DLG1: variants seen among roughly 807,000 people sequenced by gnomAD.
The protein encoded by DLG1 is discs large MAGUK scaffold protein 1, also known as disks large homolog 1.
In DLG1, 42 loss-of-function variants were observed where a neutral mutation model predicts 123.4. The ratio of observed to expected loss-of-function variants is 0.34; its 90% CI spans 0.27 to 0.44. DLG1 has a LOEUF of 0.44. Ranked by LOEUF, DLG1 falls within the 20% of genes least tolerant of loss-of-function variation. DLG1 has a pLI of 1.00. For synonymous variants in DLG1, 317 were observed against 356.2 expected (o/e 0.89, Z 1.24); for missense variants, 942 against 1,082.6 (o/e 0.87, Z 1.82).
chr3:197,098,484 A>C (rs1190447227), intron 14 of DLG1, among the ~76,000 whole-genome samples: 1 of 152,188 alleles, frequency 6.6e-6, no homozygotes, highest in Non-Finnish European at 1.5e-5. Context: ...AATTTCTTAA[A>C]TTTGTGATCT....
At chr3:197,186,248 C>T (rs1715920247) in intron 5 of DLG1, among the ~76,000 whole-genome samples, 1 of 152,132 alleles carries the variant, frequency 6.6e-6, no homozygotes, top group African/African-American at 2.4e-5. Context: ...CGGAAGGCAA[C>T]CAACTGTTCT....
intron 5 of DLG1, among the ~76,000 whole-genome samples, chr3:197,155,875 A>G (rs1365468722): frequency 6.6e-6 from 1 of 152,142 alleles, no homozygotes; most frequent in Non-Finnish European, 1.5e-5. Flanking sequence ...ATTGGGCCCA[A>G]GAGGTTGAGG....
In DLG1 at chr3:197,115,989, T is replaced by C. The variant is rs775322401; in HGVS notation, c.1381A>G (p.Ile461Val). 1.6e-5 allele frequency: 26 copies of C among 1,613,204 alleles called. No individual in the cohort carries two copies. The Admixed American group carries it at 4.2e-4, about 26-fold the overall frequency. The change falls in exon 13 of 25, where the codon ATC (isoleucine) becomes GTC (valine). Residue 461 changes from isoleucine to valine, a missense_variant. Transcript: ENST00000667157. ...AGATCAGCAGGTCCTCCGGCTAAGA[T>C]AAAGGAAATAAATATTCCTTCTCCA... ...EDGEGIFISFILAGGPADLSG... is the reference protein window; with the variant it reads ...EDGEGIFISFVLAGGPADLSG...
chr3:197,115,792 C>T (rs1384236154), intron 13 of DLG1, 135 bp downstream of exon 13: 6 of 839,996 alleles, frequency 7.1e-6, no homozygotes, highest in Non-Finnish European at 1.1e-5. Flanking sequence ...TACAATTCTA[C>T]AATTAAGCTG....
chr3:197,139,440 G>C (rs1786839437), intron 8 of DLG1, among the ~76,000 whole-genome samples: 1 of 152,106 alleles, frequency 6.6e-6, no homozygotes, highest in Non-Finnish European at 1.5e-5. Flanking sequence ...CTTAAAATAA[G>C]ATGCTGTTTT....
chr3:197,296,306 A>G, intron 3 of DLG1, 40 bp downstream of exon 3: 1 of 1,582,026 alleles, frequency 6.3e-7, no homozygotes, highest in Non-Finnish European at 8.6e-7. Flanking sequence ...AGGAGCATAA[A>G]GCCTAGCTGG....
chr3:197,252,355 G>T (rs1330405459), intron 4 of DLG1, among the ~76,000 whole-genome samples: 3 of 151,998 alleles, frequency 2.0e-5, no homozygotes, highest in Non-Finnish European at 4.4e-5. Flanking sequence ...ACGAAATAAT[G>T]GATACGAAAA....
At chr3:197,212,575 C>T (rs897710557) in intron 4 of DLG1, among the ~76,000 whole-genome samples, 1 of 152,246 alleles carries the variant, frequency 6.6e-6, no homozygotes, top group African/African-American at 2.4e-5. Flanking sequence ...CTTACAGATG[C>T]ATCACTCTGA....
At chr3:197,186,649 T>C (rs1340020421) in intron 5 of DLG1, among the ~76,000 whole-genome samples, 1 of 152,192 alleles carries the variant, frequency 6.6e-6, no homozygotes, top group African/African-American at 2.4e-5. Context: ...GTTAAAAATT[T>C]ATACTGGATA....
At chr3:197,194,657 A>C (rs2150260047) in intron 4 of DLG1, 68 bp from the exon 5 acceptor site, 1 of 1,111,080 alleles carries the variant, frequency 9.0e-7, no homozygotes, top group Non-Finnish European at 1.3e-6. Context: ...CATGGTTTTC[A>C]TAACTAGCCA....
intron 18 of DLG1, among the ~76,000 whole-genome samples, chr3:197,072,388 G>T (rs963054133): frequency 1.3e-5 from 2 of 151,906 alleles, no homozygotes; most frequent in African/African-American, 4.8e-5. Flanking sequence ...TTATTTACTT[G>T]TAATACATTA....
chr3:197,110,652 A>C (rs1769408398), intron 13 of DLG1, among the ~76,000 whole-genome samples: 1 of 152,194 alleles, frequency 6.6e-6, no homozygotes, highest in South Asian at 2.1e-4. Context: ...CCTCTTATCT[A>C]CGCTTGTCAT....
chr3:197,065,647 C>T (rs577944960), intron 21 of DLG1, 61 bp downstream of exon 21: 74 of 1,271,336 alleles, frequency 5.8e-5, no homozygotes, highest in Non-Finnish European at 8.2e-5. Context: ...CTATTTTTCC[C>T]ACACACAGTG....
intron 4 of DLG1, among the ~76,000 whole-genome samples, chr3:197,197,896 GT>G (rs930689054): frequency 6.6e-5 from 10 of 151,984 alleles, no homozygotes; most frequent in African/African-American, 2.2e-4. Flanking sequence ...AGAAAGAATA[GT>G]TTTTTTTAAC....
chr3:197,285,978 G>A (rs1771630704), intron 3 of DLG1, among the ~76,000 whole-genome samples: 1 of 152,120 alleles, frequency 6.6e-6, no homozygotes, highest in South Asian at 2.1e-4. Context: ...CAACCAATAT[G>A]TTCTTTAACA....
chr3:197,262,276 T>C (rs1456593233), intron 4 of DLG1, among the ~76,000 whole-genome samples: 1 of 152,104 alleles, frequency 6.6e-6, no homozygotes. Context: ...TCAAGCTCTA[T>C]AAAAACTCTT....
At chr3:197,224,730 T>C (rs1254815352) in intron 4 of DLG1, among the ~76,000 whole-genome samples, 2 of 152,216 alleles carry the variant, frequency 1.3e-5, no homozygotes, top group African/African-American at 4.8e-5. Flanking sequence ...GGAAAAATGC[T>C]TGGGTGACCA....
At chr3:197,243,107 A>C (rs976127141) in intron 4 of DLG1, among the ~76,000 whole-genome samples, 1 of 152,212 alleles carries the variant, frequency 6.6e-6, no homozygotes, top group Non-Finnish European at 1.5e-5. Context: ...AGGGGTTTTT[A>C]TTCCCAATGC....
chr3:197,153,379 C>G (rs1330124050), intron 5 of DLG1, among the ~76,000 whole-genome samples: 1 of 152,180 alleles, frequency 6.6e-6, no homozygotes, highest in Non-Finnish European at 1.5e-5. Flanking sequence ...TCCAGGTGAA[C>G]TGTAGTTAAT....
Sources: allele counts gnomAD v4.1 joint callset (sites outside exome capture counted in the v4.1 genomes callset), GRCh38; gene constraint gnomAD v4.1.1; transcripts MANE v1.5; gene names NCBI Gene and HGNC (gene_info 2026-07-23, HGNC 2026-07-21).